Variants in PHTF1 observed in about 807,000 individuals in gnomAD.
The protein encoded by PHTF1 is putative homeodomain transcription factor 1.
In PHTF1, 88 loss-of-function variants were observed where a neutral mutation model predicts 102.4. That is an observed-to-expected ratio of 0.86 (90% CI 0.72 to 1.03). PHTF1 has a LOEUF of 1.03. PHTF1 is among the 50% of genes least tolerant of loss of function. The pLI, the probability that PHTF1 is intolerant of heterozygous loss-of-function variation, is 0.00. For synonymous variants in PHTF1, 289 were observed against 305.2 expected, an observed-to-expected ratio of 0.95 and a Z score of 0.55; for missense variants, 814 against 909.5, an observed-to-expected ratio of 0.89 and a Z score of 1.35.
chr1:113,727,872 G>T (rs571679079), intron 5 of PHTF1, among the ~76,000 whole-genome samples: 1 of 152,288 alleles, frequency 6.6e-6, no homozygotes, highest in African/African-American at 2.4e-5. Context: ...TACTCAGGAG[G>T]CTGAGGTGGG....
intron 7 of PHTF1, among the ~76,000 whole-genome samples, chr1:113,722,963 T>TAAATAAATAAAA (rs1205535015): frequency 4.9e-5 from 7 of 143,284 alleles, no homozygotes; most frequent in Middle Eastern, 3.6e-3. Flanking sequence ...AATAAATAAA[T>TAAATAAATAAAA]AAAAATAAAA....
In PHTF1 at chr1:113,710,422, T is replaced by C; in HGVS notation, c.1101A>G (p.Arg367=). ...AGTCATGGCGGGTGCTTTCTGAGTC[T>C]CTTCTTGACATGTTGAGGCTTCGAG... is the stretch of plus-strand genomic sequence containing the variant. ...GGSRSLNMSR[R]DSESTRHDSE... Residue 367 remains arginine, a synonymous_variant, in exon 11 of 19, where the codon AGA becomes AGG. Coordinates refer to ENST00000369604, the MANE Select transcript of PHTF1 (RefSeq NM_001323043.2). The C allele has an allele frequency of 6.2e-7, 1 of 1,614,046 alleles. No individual in the cohort carries two copies. The highest frequency in any genetic ancestry group is 8.5e-7 in the Non-Finnish European group (1 of 1,179,988).
At chr1:113,756,063 T>C (rs1452752434) in intron 3 of PHTF1, among the ~76,000 whole-genome samples, 1 of 141,548 alleles carries the variant, frequency 7.1e-6, no homozygotes, top group East Asian at 2.0e-4. Flanking sequence ...CGAGACTCTG[T>C]CTCAAAAAAA....
At chr1:113,699,217 G>C (rs1398075928) in intron 17 of PHTF1, 1 of 213,150 alleles carries the variant, frequency 4.7e-6, no homozygotes, top group Non-Finnish European at 9.4e-6. Context: ...CACCTTGCAA[G>C]GGTAGGTAGT....
intron 16 of PHTF1, among the ~76,000 whole-genome samples, chr1:113,700,500 T>C (rs1649322101): frequency 6.6e-6 from 1 of 152,220 alleles, no homozygotes; most frequent in African/African-American, 2.4e-5. Flanking sequence ...AAAGATCTAA[T>C]ACTTGACATA....
chr1:113,699,472 C>A, intron 17 of PHTF1: 1 of 640,852 alleles, frequency 1.6e-6, no homozygotes, highest in Non-Finnish European at 2.9e-6. Flanking sequence ...CCAGATGGCC[C>A]AACTTGGTGA....
At chr1:113,744,981 G>A (rs1656999382) in intron 3 of PHTF1, among the ~76,000 whole-genome samples, 1 of 137,866 alleles carries the variant, frequency 7.3e-6, no homozygotes, top group Admixed American at 7.3e-5. Flanking sequence ...GGGGAGGGGA[G>A]TTGGGGAGGG....
At chr1:113,720,787 C>T (rs1652806815) in intron 7 of PHTF1, among the ~76,000 whole-genome samples, 1 of 152,218 alleles carries the variant, frequency 6.6e-6, no homozygotes, top group Non-Finnish European at 1.5e-5. Flanking sequence ...CCCCACATTT[C>T]CCTTCCACAC....
intron 15 of PHTF1, among the ~76,000 whole-genome samples, 168 bp from the exon 16 acceptor site, chr1:113,701,117 A>G (rs551535883): frequency 6.6e-6 from 1 of 152,350 alleles, no homozygotes; most frequent in South Asian, 2.1e-4. Flanking sequence ...TAATCACTAT[A>G]TATTTCTCTA....
intron 3 of PHTF1, among the ~76,000 whole-genome samples, chr1:113,749,174 A>C (rs1463836806): frequency 6.6e-6 from 1 of 152,194 alleles, no homozygotes; most frequent in Non-Finnish European, 1.5e-5. Flanking sequence ...TAGTAATTAT[A>C]TCTTTAAAAA....
intron 15 of PHTF1, among the ~76,000 whole-genome samples, chr1:113,701,308 CAT>C (rs1180918930): frequency 3.9e-5 from 6 of 152,196 alleles, no homozygotes; most frequent in African/African-American, 1.4e-4. Flanking sequence ...CTCCCTAAAA[CAT>C]GTGGCTCATT....
chr1:113,709,545 T>A (rs1288299961), intron 11 of PHTF1, among the ~76,000 whole-genome samples: 1 of 152,228 alleles, frequency 6.6e-6, no homozygotes, highest in African/African-American at 2.4e-5. Context: ...ATAAGCTGTA[T>A]CATTAAATAA....
intron 7 of PHTF1, among the ~76,000 whole-genome samples, chr1:113,723,858 T>C (rs1653390520): frequency 6.6e-6 from 1 of 152,084 alleles, no homozygotes; most frequent in African/African-American, 2.4e-5. Flanking sequence ...TGAGAGAAAG[T>C]CTTAAATTAT....
chr1:113,706,673 C>G lies in PHTF1; in HGVS notation c.1319G>C (p.Ser440Thr). ...CTCATTCCCCTCCCAGATTATTGCA[C>G]TAACTCGATCAGAGGAAGGACTTGA... ...QNSSPSSDRVSAIIWEGNECK... is the reference protein window; with the variant it reads ...QNSSPSSDRVTAIIWEGNECK... Residue 440 changes from serine to threonine, a missense_variant, in exon 12 of 19, where the codon AGT (serine) becomes ACT (threonine). By Grantham distance (58) the Ser-to-Thr change is moderately conservative. Transcript: ENST00000369604. The G allele has an allele frequency of 1.9e-6, 3 of 1,608,480 alleles. No homozygotes were observed. The highest frequency in any genetic ancestry group is 2.2e-5 in the South Asian group (2 of 90,572).
In PHTF1 at chr1:113,710,302, G is replaced by A. The variant is rs201590693; in HGVS notation, c.1221C>T (p.Thr407=). The A allele has an allele frequency of 6.2e-7, 1 of 1,613,874 alleles. No individual in the cohort carries two copies. The highest frequency in any genetic ancestry group is 8.5e-7 in the Non-Finnish European group (1 of 1,180,018). ...GGTCACGTTTGGTCCCTGAGTGAAG[G>A]GTATTCACATGGGCCCCCTCACTGT... ...TSDSEGAHVN[T]LHSGTKRDPK... The change falls in exon 11 of 19, where the codon ACC becomes ACT. Residue 407 remains threonine, a synonymous_variant. Coordinates refer to ENST00000369604, the MANE Select transcript of PHTF1 (RefSeq NM_001323043.2).
intron 3 of PHTF1, among the ~76,000 whole-genome samples, chr1:113,749,027 T>C (rs1363035791): frequency 2.6e-5 from 4 of 152,212 alleles, no homozygotes; most frequent in Non-Finnish European, 4.4e-5. Context: ...TGGTTATTAT[T>C]TGTGTGGTGA....
intron 7 of PHTF1, among the ~76,000 whole-genome samples, chr1:113,721,728 C>A (rs1249493260): frequency 6.6e-6 from 1 of 152,022 alleles, no homozygotes; most frequent in East Asian, 1.9e-4. Flanking sequence ...CTTGCTCTGT[C>A]GCCCAGGCTG....
intron 3 of PHTF1, among the ~76,000 whole-genome samples, chr1:113,744,441 A>G (rs980775452): frequency 6.6e-6 from 1 of 152,234 alleles, no homozygotes; most frequent in Non-Finnish European, 1.5e-5. Context: ...AACTATTTAT[A>G]CAGTCTGGTG....
chr1:113,703,928 GAA>G (rs913582614), intron 15 of PHTF1, 151 bp downstream of exon 15: 17 of 510,948 alleles, frequency 3.3e-5, no homozygotes, highest in African/African-American at 2.7e-4. Context: ...TTCCCATTTT[GAA>G]AAGTTAGAAA....
Sources: gnomAD v4.1 joint callset for allele counts (sites outside exome capture counted in the v4.1 genomes callset) on GRCh38, gnomAD v4.1.1 for gene constraint, MANE v1.5 for transcripts, NCBI Gene and HGNC (gene_info 2026-07-23, HGNC 2026-07-21) for gene names.